The following PINK1 variants were observed in gnomAD, a reference collection of about 807,000 sequenced individuals.
The protein encoded by PINK1 is serine/threonine-protein kinase PINK1, mitochondrial.
In PINK1, 58 loss-of-function variants were observed where a neutral mutation model predicts 56.0. The ratio of observed to expected loss-of-function variants is 1.04; its 90% CI spans 0.84 to 1.29. The LOEUF (loss-of-function observed/expected upper bound fraction) is 1.29, where lower values mean the gene tolerates loss of function less well. PINK1 is among the 50% of genes most tolerant of loss of function. The pLI, the probability that PINK1 is intolerant of heterozygous loss-of-function variation, is 0.00. For missense variants in PINK1, 745 were observed against 777.9 expected (o/e 0.96, Z 0.50); for synonymous variants, 354 against 339.3 (o/e 1.04, Z -0.48).
At chr1:20,647,044 TA>T (rs1192943471) in intron 5 of PINK1, among the ~76,000 whole-genome samples, 3 of 141,670 alleles carry the variant, frequency 2.1e-5, no homozygotes, top group Non-Finnish European at 4.6e-5. Flanking sequence ...CACGCCTAGC[TA>T]ATTTTTGATT....
In PINK1 at chr1:20,644,515, C is replaced by G. The variant is rs372280083; in HGVS notation, c.802C>G (p.Leu268Val). The change falls in exon 4 of 8, where the codon CTA becomes GTA. Residue 268 changes from leucine (L) to valine (V), a missense_variant. Transcript: ENST00000321556. ...AAAATCCAAGAGAGGTCCCAAGCAA[C>G]TAGCCCCTCACCCCAACATCATCCG... ...YRKSKRGPKQ[L>V]APHPNIIRVL... The G allele has an allele frequency of 6.7e-5, 108 of 1,614,236 alleles. No individual in the cohort carries two copies. Among genetic ancestry groups the G allele is most frequent in the Middle Eastern group, 6.6e-4 (4 of 6,062 alleles).
At position 20,650,696 on chromosome 1, in the gene PINK1, C is replaced by T. The variant is rs767315202; in HGVS notation, c.*5C>T. Reference sequence around the variant, plus strand: ...TCATGGAGGGCAGCCCTGTGATGTCCCTGCATGGAGCTGGTGAATTACTAA... The same window carrying T: ...TCATGGAGGGCAGCCCTGTGATGTCTCTGCATGGAGCTGGTGAATTACTAA... On this transcript the variant is annotated 3_prime_UTR_variant, in exon 8 of 8. Coordinates refer to ENST00000321556, the MANE Select transcript of PINK1 (RefSeq NM_032409.3). The T allele has an allele frequency of 1.9e-6, 3 of 1,612,966 alleles. No homozygotes were observed. The highest frequency in any genetic ancestry group is 2.2e-5 in the East Asian group (1 of 44,882).
chr1:20,636,240 G>T (rs536042662), intron 1 of PINK1, among the ~76,000 whole-genome samples: 1 of 149,856 alleles, frequency 6.7e-6, no homozygotes, highest in South Asian at 2.1e-4. Context: ...TATATATGTT[G>T]TGTATACTAT....
rs34054663 is a variant in PINK1 at position 20,647,466 on chromosome 1, C to CTTTTT, written c.1124-1021_1124-1017dup. On this transcript the variant is annotated intron_variant, in intron 5 of 7. Coordinates refer to ENST00000321556, the MANE Select transcript of PINK1 (RefSeq NM_032409.3). ...GCCACCACGCCCAGCTGGGAGTTGG[C>CTTTTT]TTTTTTTTTTTTTTTTTTTTTTGAG... is the stretch of plus-strand genomic sequence containing the variant. Among the ~76,000 whole-genome samples, 58 of 73,212 alleles carry CTTTTT rather than the reference C, an allele frequency of 7.9e-4. 1 individual carries two copies. The highest frequency in any genetic ancestry group is 1.2e-3 in the Admixed American group (6 of 4,824). The allele number at this position is 73,212 out of a possible 152,430, so 48.0% of individuals were successfully genotyped here.
chr1:20,651,277 T>C lies in PINK1; in HGVS notation c.*586T>C, dbSNP rs184877436. The C allele has an allele frequency of 2.9e-4, 47 of 163,838 alleles. No individual in the cohort carries two copies. The highest frequency in any genetic ancestry group is 8.9e-4 in the African/African-American group (37 of 41,792). 10.1% of individuals were successfully genotyped at this position (163,838 alleles called of 1,614,324 possible). A position where few individuals can be genotyped will look rare whatever the true frequency, so the allele number is the denominator to read the frequency against. On this transcript the variant is annotated 3_prime_UTR_variant, in exon 8 of 8. Transcript: ENST00000321556. ...GGTTTCCCTCCTGACTAGCCTCTCTTACAGGAATTGTGAAATATTAAATGC... is the reference window on the plus strand; with the variant it reads ...GGTTTCCCTCCTGACTAGCCTCTCTCACAGGAATTGTGAAATATTAAATGC...
At chr1:20,648,671 C>T in intron 6 of PINK1, 39 bp downstream of exon 6, 1 of 1,610,174 alleles carries the variant, frequency 6.2e-7, no homozygotes, top group Non-Finnish European at 8.5e-7. Context: ...GGCAGCCCTT[C>T]CCCCACATGT....
chr1:20,648,674 C>A, intron 6 of PINK1, 42 bp downstream of exon 6: 1 of 1,609,576 alleles, frequency 6.2e-7, no homozygotes, highest in South Asian at 1.1e-5. Flanking sequence ...AGCCCTTCCC[C>A]CACATGTCCA....
rs2053020653 is a variant in PINK1 at position 20,633,843 on chromosome 1, G to C, written c.295G>C (p.Ala99Pro). The change falls in exon 1 of 8, where the codon GCA becomes CCA. Residue 99 changes from alanine (A) to proline (P), a missense_variant. Ala to Pro is a conservative substitution (Grantham distance 27, BLOSUM62 -1). Coordinates refer to ENST00000321556, the MANE Select transcript of PINK1 (RefSeq NM_032409.3). Reference protein sequence around the residue: ...AWGCAGPCGRAVFLAFGLGLG... With the variant: ...AWGCAGPCGRPVFLAFGLGLG... ...GGGCTGCGCGGGCCCTTGCGGCCGG[G>C]CAGTCTTTCTGGCCTTCGGGCTAGG... is the stretch of plus-strand genomic sequence containing the variant. 1 of 1,578,622 alleles carries C rather than the reference G, an allele frequency of 6.3e-7. No individual in the cohort carries two copies.
chr1:20,640,060 C>A, intron 3 of PINK1, 68 bp downstream of exon 3: 2 of 1,263,068 alleles, frequency 1.6e-6, no homozygotes, highest in Non-Finnish European at 2.2e-6. Flanking sequence ...TCACTTATGT[C>A]CTCAGCACCT....
rs923671558 is a variant in PINK1, at chr1:20,633,480, T to C, written c.-69T>C. The C allele has an allele frequency of 1.2e-5, 13 of 1,078,340 alleles. No individual in the cohort carries two copies. In the African/African-American group the frequency reaches 1.7e-4, roughly 14 times the overall value. 66.8% of individuals were successfully genotyped at this position (1,078,340 alleles called of 1,614,324 possible). A position where few individuals can be genotyped will look rare whatever the true frequency, so the allele number is the denominator to read the frequency against. On this transcript the variant is annotated 5_prime_UTR_variant, in exon 1 of 8. Transcript: ENST00000321556. Reference sequence around the variant, plus strand: ...CGCAGAGGCACCGCCCCAAGTTTGTTGTGACCGGCGGGGGACGCCGGTGGT... The same window carrying C: ...CGCAGAGGCACCGCCCCAAGTTTGTCGTGACCGGCGGGGGACGCCGGTGGT...
chr1:20,644,268 GGACA>G lies in PINK1; in HGVS notation c.777-218_777-215del, dbSNP rs1557563838. Among the ~76,000 whole-genome samples, 8 of 152,236 alleles carry G rather than the reference GGACA, an allele frequency of 5.3e-5. No individual in the cohort carries two copies. In the South Asian group the frequency reaches 1.5e-3, roughly 28 times the overall value. ...TGGATGGGTGTACGGATGGACGGACGGACAGACGGATGGACAAATGGATTGAAGG... is the reference window on the plus strand; with the variant it reads ...TGGATGGGTGTACGGATGGACGGACGGACGGATGGACAAATGGATTGAAGG... On this transcript the variant is annotated intron_variant, in intron 3 of 7. Transcript: ENST00000321556.
At chr1:20,642,697 T>TA (rs2053128999) in intron 3 of PINK1, 1 of 152,244 alleles carries the variant, frequency 6.6e-6, no homozygotes, top group African/African-American at 2.4e-5. Context: ...GACAGGGTCT[T>TA]ACTCTGTTGC....
chr1:20,648,630 GA>G lies in PINK1; in HGVS notation c.1250del (p.Glu417GlyfsTer12). 2.5e-6 allele frequency: 4 copies of G among 1,613,758 alleles called. No individual in the cohort carries two copies. The highest frequency in any genetic ancestry group is 3.4e-6 in the Non-Finnish European group (4 of 1,180,044). On this transcript the variant is annotated frameshift_variant and splice_region_variant, in exon 6 of 8. Transcript: ENST00000321556. LOFTEE classifies it high-confidence loss of function. ...CGGAAACGGCTGTCTGATGGCCCCA[GA>G]GGTGAGTCCCGAGTGTGTCATGCGC... Reference protein sequence around the residue: ...RGGNGCLMAPEVSTARPGPRA... With the variant: ...RGGNGCLMAPXVSTARPGPRA...
At chr1:20,644,354 T>C (rs1379387525) in intron 3 of PINK1, 136 bp from the exon 4 acceptor site, 4 of 1,079,560 alleles carry the variant, frequency 3.7e-6, no homozygotes, top group East Asian at 2.4e-5. Flanking sequence ...ACCTGGCACA[T>C]AGCAAATCTA....
intron 1 of PINK1, among the ~76,000 whole-genome samples, chr1:20,636,133 C>T (rs1042423674): frequency 2.0e-5 from 3 of 151,786 alleles, no homozygotes; most frequent in Non-Finnish European, 4.4e-5. Flanking sequence ...CAACACTGCA[C>T]CCCATCCTGG....
intron 5 of PINK1, among the ~76,000 whole-genome samples, chr1:20,647,271 A>G (rs2053195764): frequency 6.6e-6 from 1 of 150,770 alleles, no homozygotes; most frequent in Non-Finnish European, 1.5e-5. Context: ...GTTAGCCAGG[A>G]TGGTCTCTAT....
rs1195888869 is a variant in PINK1 at position 20,645,706 on chromosome 1, T to C, written c.1106T>C (p.Leu369Pro). The C allele has an allele frequency of 1.2e-6, 2 of 1,614,060 alleles. No homozygotes were observed. The highest frequency in any genetic ancestry group is 1.7e-6 in the Non-Finnish European group (2 of 1,180,010). Reference protein sequence around the residue: ...AHRDLKSDNILVELDPDGCPW... With the variant: ...AHRDLKSDNIPVELDPDGCPW... Reference sequence around the variant, plus strand: ...AGAGACCTGAAATCCGACAACATCCTTGTGGAGCTGGACCCAGGTAGGAAC... The same window carrying C: ...AGAGACCTGAAATCCGACAACATCCCTGTGGAGCTGGACCCAGGTAGGAAC... The change falls in exon 5 of 8, where the codon CTT becomes CCT. Residue 369 changes from leucine (L) to proline (P), a missense_variant. Leu to Pro is a moderately conservative substitution (Grantham distance 98, BLOSUM62 -3). Coordinates refer to ENST00000321556, the MANE Select transcript of PINK1 (RefSeq NM_032409.3).
chr1:20,647,433 A>C (rs1053618321), intron 5 of PINK1, among the ~76,000 whole-genome samples: 7 of 145,534 alleles, frequency 4.8e-5, no homozygotes, highest in Non-Finnish European at 7.5e-5. Context: ...TTGGGATTAC[A>C]GGTATGAGCC....
chr1:20,644,455 C>T lies in PINK1; in HGVS notation c.777-35C>T, dbSNP rs774968834. 1.3e-5 allele frequency: 21 copies of T among 1,606,150 alleles called. No individual in the cohort carries two copies. The South Asian group carries it at 2.0e-4, about 15-fold the overall frequency. ...TTCTTTCCAGGTGTTGTATCTGATG[C>T]TGGCCTCATATGTTTGTCTCACTTG... is the stretch of plus-strand genomic sequence containing the variant. On this transcript the variant is annotated intron_variant, in intron 3 of 7. Coordinates refer to ENST00000321556, the MANE Select transcript of PINK1 (RefSeq NM_032409.3).
Sources: gnomAD v4.1 joint callset for allele counts (sites outside exome capture counted in the v4.1 genomes callset) on GRCh38, gnomAD v4.1.1 for gene constraint, MANE v1.5 for transcripts, NCBI Gene and HGNC (gene_info 2026-07-23, HGNC 2026-07-21) for gene names.